The following RALYL variants were observed in gnomAD, a reference collection of about 807,000 sequenced individuals.
The protein encoded by RALYL is RNA-binding Raly-like protein.
Under a neutral mutation model 35.1 loss-of-function variants are expected in RALYL, and 29 were observed. The ratio of observed to expected loss-of-function variants is 0.83; its 90% CI spans 0.61 to 1.13. RALYL has a LOEUF of 1.13. RALYL is among the 50% of genes most tolerant of loss of function. The probability of loss-of-function intolerance (pLI) is 0.00; values close to 1 mark genes in which losing one functional copy is unlikely to be tolerated. For synonymous variants in RALYL, 120 were observed against 127.6 expected (o/e 0.94, Z 0.40); for missense variants, 359 against 360.4 (o/e 1.00, Z 0.03).
chr8:84,320,131 A>G (rs1446267554), intron 1 of RALYL, among the ~76,000 whole-genome samples: 1 of 152,064 alleles, frequency 6.6e-6, no homozygotes, highest in Non-Finnish European at 1.5e-5. Context: ...TAAAGCACAC[A>G]TATCTATCAA....
chr8:84,494,447 A>G (rs1456477331), intron 1 of RALYL, among the ~76,000 whole-genome samples: 1 of 151,964 alleles, frequency 6.6e-6, no homozygotes, highest in Non-Finnish European at 1.5e-5. Context: ...AAGAATGTTC[A>G]TGGTAGTTTG....
intron 2 of RALYL, among the ~76,000 whole-genome samples, chr8:84,634,043 A>G (rs549741269): frequency 6.6e-6 from 1 of 152,046 alleles, no homozygotes; most frequent in Non-Finnish European, 1.5e-5. Context: ...AGTAAATGTC[A>G]TAACTGTACT....
At chr8:84,434,796 C>A (rs1345658099) in intron 1 of RALYL, among the ~76,000 whole-genome samples, 1 of 152,030 alleles carries the variant, frequency 6.6e-6, no homozygotes, top group Non-Finnish European at 1.5e-5. Flanking sequence ...AGGTGCACAC[C>A]ACCATGTCTG....
chr8:84,532,984 T>A (rs1351108241), intron 2 of RALYL, among the ~76,000 whole-genome samples: 5 of 152,030 alleles, frequency 3.3e-5, no homozygotes, highest in Non-Finnish European at 7.4e-5. Flanking sequence ...AAAACCTCTG[T>A]GGAAAAACAA....
intron 1 of RALYL, among the ~76,000 whole-genome samples, chr8:84,421,058 A>G (rs2045506629): frequency 7.4e-6 from 1 of 134,822 alleles, no homozygotes; most frequent in African/African-American, 3.0e-5. Flanking sequence ...ATGAACTTTA[A>G]AGTAGTTTTT....
chr8:84,765,421 C>T (rs1467219813), intron 2 of RALYL, among the ~76,000 whole-genome samples: 2 of 152,126 alleles, frequency 1.3e-5, no homozygotes, highest in Non-Finnish European at 2.9e-5. Flanking sequence ...TTTGCTGGTT[C>T]AATGCTTGGC....
At chr8:84,676,169 A>G (rs916440503) in intron 2 of RALYL, among the ~76,000 whole-genome samples, 34 of 152,358 alleles carry the variant, frequency 2.2e-4, no homozygotes, top group African/African-American at 7.7e-4. Flanking sequence ...TACATGAAAG[A>G]ATATTTTCTC....
At position 84,246,777 on chromosome 8, in the gene RALYL, T is replaced by C. The variant is rs1199674215; in HGVS notation, c.-24+62353T>C. Among the ~76,000 whole-genome samples the C allele has an allele frequency of 2.0e-5, 3 of 152,272 alleles. No homozygotes were observed. In the South Asian group the frequency reaches 6.2e-4, roughly 32 times the overall value. Reference sequence around the variant, plus strand: ...CCAGGTGTGGTATGTACCAAATACCTGGATGTGGAGGAGGAGAGACATGGG... The same window carrying C: ...CCAGGTGTGGTATGTACCAAATACCCGGATGTGGAGGAGGAGAGACATGGG... On this transcript the variant is annotated intron_variant, in intron 1 of 8. Transcript: ENST00000521268.
chr8:84,322,641 A>G (rs1336966325), intron 1 of RALYL, among the ~76,000 whole-genome samples: 2 of 152,142 alleles, frequency 1.3e-5, no homozygotes, highest in Non-Finnish European at 2.9e-5. Context: ...TATGGAGTCA[A>G]GGTACCTTTT....
intron 7 of RALYL, among the ~76,000 whole-genome samples, chr8:84,880,797 T>C (rs1258744457): frequency 6.6e-6 from 1 of 151,944 alleles, no homozygotes; most frequent in Non-Finnish European, 1.5e-5. Flanking sequence ...TTTTAGTTGG[T>C]CTCCACTTCT....
chr8:84,512,309 T>G (rs1438063852), intron 1 of RALYL, among the ~76,000 whole-genome samples: 1 of 151,924 alleles, frequency 6.6e-6, no homozygotes, highest in Non-Finnish European at 1.5e-5. Flanking sequence ...GTTAATGATG[T>G]TGAATGTTTT....
chr8:84,284,584 C>T (rs1434633856), intron 1 of RALYL, among the ~76,000 whole-genome samples: 2 of 152,134 alleles, frequency 1.3e-5, no homozygotes, highest in Non-Finnish European at 2.9e-5. Context: ...CACTTCATAA[C>T]AGGGTTGTTC....
At chr8:84,631,471 A>C (rs1475695537) in intron 2 of RALYL, among the ~76,000 whole-genome samples, 1 of 152,012 alleles carries the variant, frequency 6.6e-6, no homozygotes, top group Non-Finnish European at 1.5e-5. Context: ...ATGGGATGAA[A>C]GATAAATTAT....
At chr8:84,633,967 T>TTAAAATGA (rs1379012406) in intron 2 of RALYL, among the ~76,000 whole-genome samples, 1 of 151,862 alleles carries the variant, frequency 6.6e-6, no homozygotes, top group African/African-American at 2.4e-5. Context: ...TTGACTGATG[T>TTAAAATGA]TAAAATGATA....
At chr8:84,243,318 T>C (rs896049196) in intron 1 of RALYL, among the ~76,000 whole-genome samples, 2 of 152,130 alleles carry the variant, frequency 1.3e-5, no homozygotes, top group African/African-American at 4.8e-5. Flanking sequence ...CCAGGCTGTT[T>C]TTTTGTTCTG....
chr8:84,629,071 A>G (rs988364177), intron 2 of RALYL, among the ~76,000 whole-genome samples: 5 of 152,056 alleles, frequency 3.3e-5, no homozygotes, highest in African/African-American at 9.7e-5. Context: ...AATACACTGG[A>G]AGTGGCTACA....
At chr8:84,646,315 T>G (rs1281582149) in intron 2 of RALYL, among the ~76,000 whole-genome samples, 2 of 152,070 alleles carry the variant, frequency 1.3e-5, no homozygotes, top group Non-Finnish European at 2.9e-5. Flanking sequence ...TTAATTTTTT[T>G]ATTTCTTTCT....
intron 4 of RALYL, among the ~76,000 whole-genome samples, chr8:84,805,058 A>T (rs1824268145): frequency 6.6e-6 from 1 of 152,202 alleles, no homozygotes; most frequent in African/African-American, 2.4e-5. Flanking sequence ...CACAGTGATC[A>T]TCCATATTCT....
intron 2 of RALYL, among the ~76,000 whole-genome samples, chr8:84,624,686 G>A (rs1236677301): frequency 2.0e-5 from 3 of 152,144 alleles, no homozygotes; most frequent in African/African-American, 7.2e-5. Flanking sequence ...CAGTCTACAA[G>A]GATTAGGACA....
Sources: allele counts gnomAD v4.1 joint callset (sites outside exome capture counted in the v4.1 genomes callset), GRCh38; gene constraint gnomAD v4.1.1; transcripts MANE v1.5; gene names NCBI Gene and HGNC (gene_info 2026-07-23, HGNC 2026-07-21).